PUM2: variants seen among roughly 807,000 people sequenced by gnomAD.
PUM2 encodes pumilio homolog 2.
In PUM2, 57 loss-of-function variants were observed where a neutral mutation model predicts 124.5. That is an observed-to-expected ratio of 0.46 (90% CI 0.37 to 0.57). The LOEUF is 0.57. Among genes scored for constraint, PUM2 ranks in the 20% least tolerant of loss-of-function variants. The probability of loss-of-function intolerance (pLI) is 0.00; values close to 1 mark genes in which losing one functional copy is unlikely to be tolerated. For missense variants in PUM2, 1,065 were observed against 1,290.6 expected (o/e 0.83, Z 2.68); for synonymous variants, 460 against 446.1 (o/e 1.03, Z -0.39).
chr2:20,323,447 C>CA (rs1158061957), intron 2 of PUM2, among the ~76,000 whole-genome samples: 31,592 of 84,378 alleles, frequency 0.37, 4,860 homozygotes, highest in Middle Eastern at 0.47. Context: ...GACTCCATCT[C>CA]AAAAAAAAAA....
intron 17 of PUM2, among the ~76,000 whole-genome samples, 185 bp downstream of exon 17, chr2:20,255,848 T>C (rs1487570170): frequency 6.6e-6 from 1 of 152,086 alleles, no homozygotes; most frequent in Non-Finnish European, 1.5e-5. Context: ...GTTTTGCAGC[T>C]TCAGAAAAAT....
In PUM2 at chr2:20,250,802, T is replaced by C. The variant is rs1209992605; in HGVS notation, c.*783A>G. The C allele has an allele frequency of 6.6e-6, 1 of 152,622 alleles. No homozygotes were observed. The highest frequency in any genetic ancestry group is 1.5e-5 in the Non-Finnish European group (1 of 67,996). The allele number at this position is 152,622 out of a possible 1,614,324, so 9.5% of individuals were successfully genotyped here. A position where few individuals can be genotyped will look rare whatever the true frequency, so the allele number is the denominator to read the frequency against. The stretch of plus-strand genomic sequence containing the variant: ...CTCATTGCAAACCAAACTGAAAAGT[T>C]AATAAGTGACTTAACTTTTCATTTA... On this transcript the variant is annotated 3_prime_UTR_variant, in exon 21 of 21. Transcript: ENST00000361078.
intron 15 of PUM2, among the ~76,000 whole-genome samples, 159 bp from the exon 16 acceptor site, chr2:20,258,530 A>G (rs1328535077): frequency 6.6e-6 from 1 of 152,210 alleles, no homozygotes; most frequent in Middle Eastern, 3.2e-3. Flanking sequence ...AATGTTTCCA[A>G]TAATAATTTT....
chr2:20,255,461 G>A, intron 17 of PUM2, 120 bp from the exon 18 acceptor site: 5 of 972,878 alleles, frequency 5.1e-6, no homozygotes, highest in African/African-American at 1.7e-5. Context: ...GAAATAGAAG[G>A]GTGATGAACT....
Position 20,350,716 on chromosome 2 carries a change from A to G in PUM2, c.-138T>C, listed in dbSNP as rs1466282639. The G allele has an allele frequency of 1.0e-6, 1 of 968,310 alleles. No individual in the cohort carries two copies. Among genetic ancestry groups the G allele is most frequent in the East Asian group, 1.2e-4 (1 of 8,066 alleles). 60.0% of individuals were successfully genotyped at this position (968,310 alleles called of 1,614,324 possible). A position where few individuals can be genotyped will look rare whatever the true frequency, so the allele number is the denominator to read the frequency against. ...GGTGGCGGCAATGTCTTCTTTCTCC[A>G]CCTACCACCCTCCCCCCCCACCCCA... On this transcript the variant is annotated 5_prime_UTR_variant, in exon 1 of 21. Transcript: ENST00000361078.
chr2:20,294,807 G>A (rs1000139179), intron 8 of PUM2, among the ~76,000 whole-genome samples: 1 of 152,138 alleles, frequency 6.6e-6, no homozygotes, highest in African/African-American at 2.4e-5. Context: ...ACACTATACA[G>A]ATAATATATT....
chr2:20,317,789 G>C (rs556428726), intron 3 of PUM2, among the ~76,000 whole-genome samples: 9 of 152,204 alleles, frequency 5.9e-5, no homozygotes, highest in East Asian at 5.8e-4. Context: ...AGAACATTCA[G>C]TATTTGGTTT....
rs72787404 is a variant in PUM2 at position 20,268,207 on chromosome 2, T to C, written c.1958-4747A>G. On this transcript the variant is annotated intron_variant, in intron 13 of 20. Coordinates refer to ENST00000361078, the MANE Select transcript of PUM2 (RefSeq NM_015317.5). ...ATAGATAATTACTCCTTCTGGAAAATCCACCTGAAGGATATTCTGATAGAA... is the reference window on the plus strand; with the variant it reads ...ATAGATAATTACTCCTTCTGGAAAACCCACCTGAAGGATATTCTGATAGAA... Among the ~76,000 whole-genome samples, 1,358 of 152,296 alleles carry C rather than the reference T, an allele frequency of 8.9e-3. 4 individuals are homozygous for C. Among genetic ancestry groups the C allele is most frequent in the Middle Eastern group, 0.02 (6 of 294 alleles).
At chr2:20,350,485 A>C in intron 1 of PUM2, 112 bp downstream of exon 1, 1 of 985,098 alleles carries the variant, frequency 1.0e-6, no homozygotes, top group Non-Finnish European at 1.2e-6. Context: ...AGCAGGCCCT[A>C]TCCGCCCTCC....
chr2:20,329,108 C>T (rs940564470), intron 1 of PUM2, among the ~76,000 whole-genome samples: 9 of 149,764 alleles, frequency 6.0e-5, no homozygotes, highest in Non-Finnish European at 1.3e-4. Context: ...AAGGTCAAGG[C>T]TACAGCAGTA....
intron 1 of PUM2, among the ~76,000 whole-genome samples, chr2:20,348,578 T>G (rs1573060807): frequency 1.3e-5 from 2 of 152,226 alleles, no homozygotes; most frequent in Non-Finnish European, 2.9e-5. Context: ...CATAATTACT[T>G]TTGTTAACTA....
Position 20,260,391 on chromosome 2 carries a change from G to A in PUM2, c.2301C>T (p.Ala767=), listed in dbSNP as rs1364544530. The A allele has an allele frequency of 6.2e-7, 1 of 1,612,478 alleles. No homozygotes were observed. The highest frequency in any genetic ancestry group is 8.5e-7 in the Non-Finnish European group (1 of 1,178,820). Residue 767 remains alanine, a synonymous_variant, in exon 15 of 21, where the codon GCC becomes GCT. Coordinates refer to ENST00000361078, the MANE Select transcript of PUM2 (RefSeq NM_015317.5). ...CAAAAACATCAGTCATTAATTGATA[G>A]GCTGCTTGCAGAATTTCATTAAATA... The part of the protein sequence containing the change: ...QMVFNEILQA[A]YQLMTDVFGN...
rs560948195 is a variant in PUM2 at position 20,315,396 on chromosome 2, T to C, written c.161-2973A>G. Among the ~76,000 whole-genome samples, 9 of 152,276 alleles carry C rather than the reference T, an allele frequency of 5.9e-5. No homozygotes were observed. The South Asian group carries it at 1.7e-3, about 28-fold the overall frequency. Reference sequence around the variant, plus strand: ...GAAAGAGACTCTCTTAGAATGACAATTCCTTTAGAACAAGAAGGTGTTATG... The same window carrying C: ...GAAAGAGACTCTCTTAGAATGACAACTCCTTTAGAACAAGAAGGTGTTATG... On this transcript the variant is annotated intron_variant, in intron 3 of 20. Transcript: ENST00000361078.
intron 20 of PUM2, 55 bp from the exon 21 acceptor site, chr2:20,251,771 T>C (rs1663406173): frequency 1.4e-5 from 22 of 1,578,392 alleles, no homozygotes; most frequent in Non-Finnish European, 1.7e-5. Flanking sequence ...TTCTGATTTC[T>C]TAAAAAAGCA....
At chr2:20,322,620 T>G (rs1269168750) in intron 2 of PUM2, among the ~76,000 whole-genome samples, 1 of 151,894 alleles carries the variant, frequency 6.6e-6, no homozygotes, top group African/African-American at 2.4e-5. Context: ...CTGGGCAACA[T>G]GGCGAAACAA....
rs185813692 is a variant in PUM2, at chr2:20,268,641, A to T, written c.1958-5181T>A. Among the ~76,000 whole-genome samples the T allele has an allele frequency of 4.2e-3, 636 of 150,352 alleles. 5 individuals are homozygous for T. Among genetic ancestry groups the T allele is most frequent in the Non-Finnish European group, 7.1e-3 (482 of 67,480 alleles). ...TAAACAAACAAAACAAAACAAACAA[A>T]ATATATATATATATATGTATGTCAG... On this transcript the variant is annotated intron_variant, in intron 13 of 20. Coordinates refer to ENST00000361078, the MANE Select transcript of PUM2 (RefSeq NM_015317.5).
intron 2 of PUM2, among the ~76,000 whole-genome samples, chr2:20,326,616 G>GT (rs1362106146): frequency 2.0e-5 from 3 of 152,158 alleles, no homozygotes. Flanking sequence ...GAAAAATGAA[G>GT]TATTTGATGC....
At chr2:20,326,520 C>A (rs774464646) in intron 2 of PUM2, 9 of 741,238 alleles carry the variant, frequency 1.2e-5, no homozygotes, top group Non-Finnish European at 1.8e-5. Context: ...TCAAAGTCTA[C>A]GTTAGTAGTA....
intron 5 of PUM2, 122 bp from the exon 6 acceptor site, chr2:20,308,706 T>A: frequency 1.1e-6 from 1 of 883,906 alleles, no homozygotes; most frequent in Non-Finnish European, 1.7e-6. Flanking sequence ...GCATTCTGGG[T>A]CACTATGCCA....
Sources: allele counts gnomAD v4.1 joint callset (sites outside exome capture counted in the v4.1 genomes callset), GRCh38; gene constraint gnomAD v4.1.1; transcripts MANE v1.5; gene names NCBI Gene and HGNC (gene_info 2026-07-23, HGNC 2026-07-21).